OPN5: variants seen among roughly 807,000 people sequenced by gnomAD.
The protein encoded by OPN5 is opsin-5.
OPN5 carries 18 observed loss-of-function variants against 41.7 expected under a neutral mutation model. The ratio of observed to expected loss-of-function variants is 0.43; its 90% confidence interval spans 0.30 to 0.64. The LOEUF is 0.64. Among genes scored for constraint, OPN5 ranks in the 30% least tolerant of loss-of-function variants. OPN5 has a pLI of 0.13. For synonymous variants in OPN5, 178 were observed against 164.3 expected (o/e 1.08, Z -0.64); for missense variants, 318 against 434.5 (o/e 0.73, Z 2.38).
At chr6:47,822,503 A>AT (rs1762658464) in intron 6 of OPN5, among the ~76,000 whole-genome samples, 1 of 152,158 alleles carries the variant, frequency 6.6e-6, no homozygotes, top group Non-Finnish European at 1.5e-5. Context: ...AAATTTCCCA[A>AT]TTTTTACGCT....
intron 3 of OPN5, chr6:47,793,762 A>G: frequency 7.3e-6 from 7 of 956,414 alleles, no homozygotes; most frequent in Non-Finnish European, 8.7e-6. Flanking sequence ...GCCTTTCACC[A>G]TACTGGAATG....
intron 4 of OPN5, among the ~76,000 whole-genome samples, chr6:47,806,105 G>A (rs560126651): frequency 1.3e-5 from 2 of 152,106 alleles, no homozygotes; most frequent in Non-Finnish European, 2.9e-5. Context: ...AGATTGAGGG[G>A]TGCTGGTGAT....
exon 1 of OPN5, chr6:47,782,090 G>C (rs748255575): frequency 6.2e-7 from 1 of 1,613,674 alleles, no homozygotes; most frequent in Non-Finnish European, 8.5e-7. Flanking sequence ...ACACTGCCCT[G>C]CCTCAGGACG....
chr6:47,782,598 G>A lies in OPN5; in HGVS notation c.130+402G>A, dbSNP rs1002596376. ...AGAATGGGCCTTAAAAATAATCTAG[G>A]TCAGTCTCCTGTTCTCACAACTGTG... On this transcript the variant is annotated intron_variant, in intron 1 of 6. Transcript: ENST00000371211. Among the ~76,000 whole-genome samples the A allele has an allele frequency of 4.6e-5, 7 of 152,154 alleles. No homozygotes were observed. The South Asian group carries it at 8.3e-4, about 18-fold the overall frequency.
At chr6:47,793,507 G>A (rs1773450607) in intron 3 of OPN5, among the ~76,000 whole-genome samples, 1 of 152,186 alleles carries the variant, frequency 6.6e-6, no homozygotes, top group African/African-American at 2.4e-5. Flanking sequence ...GTGGTAAACT[G>A]TTTTAAGGCA....
chr6:47,816,543 A>G (rs569060952), intron 6 of OPN5, among the ~76,000 whole-genome samples: 1 of 152,284 alleles, frequency 6.6e-6, no homozygotes, highest in South Asian at 2.1e-4. Context: ...CTCAGGATAT[A>G]GCAAAATGGA....
chr6:47,806,182 C>G (rs1488469190), intron 4 of OPN5, among the ~76,000 whole-genome samples: 1 of 151,808 alleles, frequency 6.6e-6, no homozygotes, highest in Non-Finnish European at 1.5e-5. Flanking sequence ...ACAAACAACC[C>G]CCCCAAAAAA....
chr6:47,816,727 G>A (rs1762439249), intron 6 of OPN5, among the ~76,000 whole-genome samples: 1 of 152,108 alleles, frequency 6.6e-6, no homozygotes. Flanking sequence ...TGATCTCTCA[G>A]TGTCGCTGGT....
At chr6:47,815,077 C>G (rs1343069420) in intron 6 of OPN5, among the ~76,000 whole-genome samples, 1 of 151,936 alleles carries the variant, frequency 6.6e-6, no homozygotes, top group East Asian at 1.9e-4. Flanking sequence ...AGTAGAAATG[C>G]CCTACTAACT....
chr6:47,818,895 G>A (rs1762510804), intron 6 of OPN5, among the ~76,000 whole-genome samples: 1 of 152,114 alleles, frequency 6.6e-6, no homozygotes, highest in Admixed American at 6.6e-5. Flanking sequence ...GAGAGGGAGA[G>A]TGGAGGAAAT....
intron 2 of OPN5, among the ~76,000 whole-genome samples, chr6:47,789,005 GA>G (rs1773283830): frequency 6.6e-6 from 1 of 151,990 alleles, no homozygotes; most frequent in Non-Finnish European, 1.5e-5. Flanking sequence ...AGACATTCTA[GA>G]TGACACCCCA....
chr6:47,811,601 T>C lies in OPN5; in HGVS notation c.999-73T>C. 2 of 869,518 alleles carry C rather than the reference T, an allele frequency of 2.3e-6. 1 individual carries two copies. 53.9% of individuals were successfully genotyped at this position (869,518 alleles called of 1,614,324 possible). A position where few individuals can be genotyped will look rare whatever the true frequency, so the allele number is the denominator to read the frequency against. ...TAGTCGTTTGACATATACATATGTA[T>C]GTATATGTACATATGTATTTATGTG... On this transcript the variant is annotated intron_variant, in intron 5 of 6. Transcript: ENST00000371211.
At chr6:47,782,041 CAGA>C in exon 1 of OPN5, 1 of 1,606,874 alleles carries the variant, frequency 6.2e-7, no homozygotes, top group Non-Finnish European at 8.5e-7. Flanking sequence ...GTTTGCTTTT[CAGA>C]TCCCTCGTGG....
Position 47,823,500 on chromosome 6 carries a change from A to G in OPN5, c.1057-483A>G, listed in dbSNP as rs557346681. 5.7e-4 allele frequency: 91 copies of G among 159,952 alleles called. 2 individuals are homozygous for G. In the South Asian group the frequency reaches 0.017, roughly 29 times the overall value. 9.9% of individuals were successfully genotyped at this position (159,952 alleles called of 1,614,324 possible). A position where few individuals can be genotyped will look rare whatever the true frequency, so the allele number is the denominator to read the frequency against. ...CCCTGAGATACCTTCAAATATGGTAAACTCTACTGCACAATTTGTGGTAGT... is the reference window on the plus strand; with the variant it reads ...CCCTGAGATACCTTCAAATATGGTAGACTCTACTGCACAATTTGTGGTAGT... On this transcript the variant is annotated intron_variant, in intron 6 of 6. Coordinates refer to ENST00000371211, the Ensembl canonical transcript of OPN5.
chr6:47,795,776 T>TCACACACA (rs879658004), intron 4 of OPN5, among the ~76,000 whole-genome samples: 89 of 104,142 alleles, frequency 8.5e-4, no homozygotes, highest in African/African-American at 3.3e-3. Flanking sequence ...TCTCTCTCTC[T>TCACACACA]CTCACACACA....
rs1032540358 is a variant in OPN5, at chr6:47,786,651, G to A, written c.250+17G>A. 3 of 1,611,690 alleles carry A rather than the reference G, an allele frequency of 1.9e-6. No homozygotes were observed. Among genetic ancestry groups the A allele is most frequent in the Non-Finnish European group, 2.5e-6 (3 of 1,178,470 alleles). On this transcript the variant is annotated intron_variant, in intron 2 of 6. Transcript: ENST00000371211. ...GGATTTCAGGTAACACAACCATGCT[G>A]TGTTTTCTTTGTGGGTTTAAACTAC... is the stretch of plus-strand genomic sequence containing the variant.
chr6:47,819,743 T>C (rs949507181), intron 6 of OPN5, among the ~76,000 whole-genome samples: 1 of 152,068 alleles, frequency 6.6e-6, no homozygotes, highest in Non-Finnish European at 1.5e-5. Context: ...AAATGAGGAA[T>C]GGGAGGAAAT....
chr6:47,808,630 T>C (rs1774070175), intron 5 of OPN5, among the ~76,000 whole-genome samples: 1 of 152,218 alleles, frequency 6.6e-6, no homozygotes. Flanking sequence ...GTGGAGCAAC[T>C]AAGATACAGA....
In OPN5 at chr6:47,822,432, T is replaced by C. The variant is rs541296751; in HGVS notation, c.1057-1551T>C. Among the ~76,000 whole-genome samples, 81 of 152,328 alleles carry C rather than the reference T, an allele frequency of 5.3e-4. 1 individual carries two copies. In the South Asian group the frequency reaches 0.016, roughly 30 times the overall value. On this transcript the variant is annotated intron_variant, in intron 6 of 6. Transcript: ENST00000371211. ...GACATGAGATAGAGAATATTTTCCT[T>C]ACACCCAAAACTGTACTCTTCCTAT...
Sources: gnomAD v4.1 joint callset for allele counts (sites outside exome capture counted in the v4.1 genomes callset) on GRCh38, gnomAD v4.1.1 for gene constraint, MANE v1.5 for transcripts, NCBI Gene and HGNC (gene_info 2026-07-23, HGNC 2026-07-21) for gene names.